The following NRXN3 variants were observed in gnomAD, a reference collection of about 807,000 sequenced individuals.
The protein encoded by NRXN3 is neurexin 3.
Under a neutral mutation model 137.6 loss-of-function variants are expected in NRXN3, and 32 were observed. The observed-to-expected ratio is 0.23, with a 90% CI of 0.18 to 0.31. The LOEUF (loss-of-function observed/expected upper bound fraction) is 0.31. Among genes scored for constraint, NRXN3 ranks in the 10% least tolerant of loss-of-function variants. The pLI is 1.00. For missense variants in NRXN3, 1,574 were observed against 2,062.5 expected, an observed-to-expected ratio of 0.76 and a Z score of 4.59; for synonymous variants, 798 against 784.5, an observed-to-expected ratio of 1.02 and a Z score of -0.29.
intron 5 of NRXN3, among the ~76,000 whole-genome samples, chr14:78,650,393 G>T (rs919068571): frequency 1.3e-5 from 2 of 151,952 alleles, no homozygotes; most frequent in African/African-American, 2.4e-5. Context: ...TTGGGTAAAA[G>T]GGTGCTATTT....
chr14:78,627,166 A>G (rs1196728812), intron 4 of NRXN3, among the ~76,000 whole-genome samples: 1 of 133,342 alleles, frequency 7.5e-6, no homozygotes, highest in Non-Finnish European at 1.5e-5. Context: ...ACTGCTCTGC[A>G]TCAGGCTAGA....
chr14:78,568,064 C>T (rs2096852976), intron 4 of NRXN3, among the ~76,000 whole-genome samples: 1 of 152,076 alleles, frequency 6.6e-6, no homozygotes, highest in East Asian at 1.9e-4. Flanking sequence ...ATTGAGGTAT[C>T]GGGTAGAGGG....
intron 15 of NRXN3, among the ~76,000 whole-genome samples, chr14:79,215,999 AT>A (rs2068445277): frequency 6.6e-6 from 1 of 152,204 alleles, no homozygotes; most frequent in Non-Finnish European, 1.5e-5. Context: ...GATGTCATAG[AT>A]TCTGTGGGCC....
At chr14:79,115,381 A>T (rs2054275245) in intron 15 of NRXN3, among the ~76,000 whole-genome samples, 2 of 152,106 alleles carry the variant, frequency 1.3e-5, no homozygotes, top group African/African-American at 4.8e-5. Context: ...CCAGTAAGAG[A>T]ATCCTTTATT....
intron 15 of NRXN3, among the ~76,000 whole-genome samples, chr14:79,283,426 A>G (rs2081626514): frequency 6.6e-6 from 1 of 152,170 alleles, no homozygotes; most frequent in Non-Finnish European, 1.5e-5. Context: ...CCAGACCTAT[A>G]GAGAGATTCA....
chr14:79,354,122 G>GGAC (rs1469614785), intron 15 of NRXN3, among the ~76,000 whole-genome samples: 1 of 152,072 alleles, frequency 6.6e-6, no homozygotes, highest in Non-Finnish European at 1.5e-5. Flanking sequence ...AAAGTCAAAT[G>GGAC]TTTAATCTCA....
chr14:78,409,477 TA>T (rs1230450299), intron 4 of NRXN3, among the ~76,000 whole-genome samples: 1 of 152,226 alleles, frequency 6.6e-6, no homozygotes, highest in Non-Finnish European at 1.5e-5. Context: ...ATCATCTCCA[TA>T]ACTGCCCCTT....
chr14:79,393,049 G>A (rs2153476125), intron 15 of NRXN3, among the ~76,000 whole-genome samples: 1 of 151,526 alleles, frequency 6.6e-6, no homozygotes, highest in East Asian at 1.9e-4. Flanking sequence ...CTTTTATACT[G>A]TTGGTGGGAG....
At chr14:79,394,406 A>G (rs1406895306) in intron 15 of NRXN3, among the ~76,000 whole-genome samples, 1 of 152,214 alleles carries the variant, frequency 6.6e-6, no homozygotes, top group Admixed American at 6.5e-5. Flanking sequence ...TTGAGATATT[A>G]AAGTCCTTAG....
intron 16 of NRXN3, among the ~76,000 whole-genome samples, chr14:79,600,479 T>C (rs898726666): frequency 3.3e-5 from 5 of 152,168 alleles, no homozygotes; most frequent in Admixed American, 2.0e-4. Context: ...CAAAGGAAGA[T>C]AAAACCTCAA....
At chr14:78,706,550 A>T (rs1201453315) in intron 6 of NRXN3, among the ~76,000 whole-genome samples, 4 of 152,120 alleles carry the variant, frequency 2.6e-5, no homozygotes, top group Non-Finnish European at 4.4e-5. Context: ...CTGCTCTGCC[A>T]CTTATCAGCT....
intron 1 of NRXN3, among the ~76,000 whole-genome samples, chr14:78,200,857 T>C (rs2061612811): frequency 6.6e-6 from 1 of 152,144 alleles, no homozygotes; most frequent in Admixed American, 6.5e-5. Context: ...ATCATGGGGT[T>C]TGGCAGGCAC....
At position 79,864,968 on chromosome 14, in the gene NRXN3, G is replaced by T. The variant is rs1479154921; in HGVS notation, c.*3004G>T. The T allele has an allele frequency of 3.3e-5, 5 of 152,046 alleles. No homozygotes were observed. Among genetic ancestry groups the T allele is most frequent in the South Asian group, 2.1e-4 (1 of 4,830 alleles). The allele number at this position is 152,046 out of a possible 1,614,324, so 9.4% of individuals were successfully genotyped here. On this transcript the variant is annotated 3_prime_UTR_variant, in exon 21 of 21. Coordinates refer to ENST00000335750, the MANE Select transcript of NRXN3 (RefSeq NM_001330195.2). The stretch of plus-strand genomic sequence containing the variant: ...GGGTTTCACCGTGTTAGCCGGGATG[G>T]TCTCGATCTCCTGACCTCGTAATCC...
intron 2 of NRXN3, among the ~76,000 whole-genome samples, chr14:78,244,433 AG>A (rs908088622): frequency 3.3e-5 from 5 of 151,616 alleles, no homozygotes; most frequent in Non-Finnish European, 5.9e-5. Context: ...GTCTCAAAAA[AG>A]AAAAAAAAAA....
rs111661338 is a variant in NRXN3 at position 79,563,864 on chromosome 14, A to G, written c.3444+96462A>G. On this transcript the variant is annotated intron_variant, in intron 16 of 20. Transcript: ENST00000335750. The stretch of plus-strand genomic sequence containing the variant: ...CAAATGATTCTGACTGGAACACAGC[A>G]GCCACCTCTCTTGTAAATAGCTGGG... Among the ~76,000 whole-genome samples, 131 of 152,160 alleles carry G rather than the reference A, an allele frequency of 8.6e-4. 1 individual carries two copies. In the Middle Eastern group the frequency reaches 0.014, roughly 16 times the overall value.
chr14:79,056,115 T>C (rs2099661442), intron 15 of NRXN3, among the ~76,000 whole-genome samples: 1 of 152,184 alleles, frequency 6.6e-6, no homozygotes, highest in Non-Finnish European at 1.5e-5. Context: ...CTTCAGGTAA[T>C]GGCAGTAGGA....
intron 6 of NRXN3, among the ~76,000 whole-genome samples, chr14:78,678,317 T>A (rs1167431264): frequency 6.6e-6 from 1 of 151,166 alleles, no homozygotes; most frequent in Non-Finnish European, 1.5e-5. Context: ...TCATGCTCCA[T>A]ACTTTTTTTT....
At chr14:79,650,611 T>C (rs1376923454) in intron 16 of NRXN3, among the ~76,000 whole-genome samples, 2 of 152,148 alleles carry the variant, frequency 1.3e-5, no homozygotes, top group African/African-American at 4.8e-5. Context: ...CACACCAAAG[T>C]ATCGTTTACA....
chr14:79,432,486 T>A (rs1285964537), intron 15 of NRXN3, among the ~76,000 whole-genome samples: 2 of 152,152 alleles, frequency 1.3e-5, no homozygotes, highest in Non-Finnish European at 2.9e-5. Flanking sequence ...CATCTTCTGT[T>A]GGTATTATTT....
Sources: allele counts gnomAD v4.1 joint callset (sites outside exome capture counted in the v4.1 genomes callset), GRCh38; gene constraint gnomAD v4.1.1; transcripts MANE v1.5; gene names NCBI Gene and HGNC (gene_info 2026-07-23, HGNC 2026-07-21).